The following IGSF5 variants were observed in gnomAD, a reference collection of about 807,000 sequenced individuals.
IGSF5 encodes immunoglobulin superfamily member 5, also known as immunoglobulin superfamily 5 like.
A neutral mutation model predicts 39.4 loss-of-function variants in IGSF5; 41 were observed. The ratio of observed to expected loss-of-function variants is 1.04; its 90% CI spans 0.81 to 1.35. IGSF5 has a LOEUF of 1.35. Ranked by LOEUF, IGSF5 falls within the 40% of genes most tolerant of loss-of-function variation. The pLI is 0.00. For missense variants in IGSF5, 487 were observed against 494.6 expected (o/e 0.98, Z 0.15); for synonymous variants, 183 against 175.3 (o/e 1.04, Z -0.34).
chr21:39,789,445 T>G (rs2086947629), intron 6 of IGSF5, among the ~76,000 whole-genome samples: 1 of 152,190 alleles, frequency 6.6e-6, no homozygotes. Context: ...TTTGTCTCCG[T>G]GCAGCCCTTG....
rs1180036881 is a variant in IGSF5, at chr21:39,790,003, C to T, written c.956+1815C>T. On this transcript the variant is annotated intron_variant, in intron 6 of 8. Coordinates refer to ENST00000380588, the MANE Select transcript of IGSF5 (RefSeq NM_001080444.2). Reference sequence around the variant, plus strand: ...AGGTGTGTAGCTTGATCAGGTTTCACAAAAAGCACAAATGCCTGGGCTTGA... The same window carrying T: ...AGGTGTGTAGCTTGATCAGGTTTCATAAAAAGCACAAATGCCTGGGCTTGA... Among the ~76,000 whole-genome samples, 3 of 152,282 alleles carry T rather than the reference C, an allele frequency of 2.0e-5. No homozygotes were observed. The East Asian group carries it at 5.8e-4, about 29-fold the overall frequency.
chr21:39,747,125 G>C (rs777407314), intron 2 of IGSF5, among the ~76,000 whole-genome samples: 1 of 152,306 alleles, frequency 6.6e-6, no homozygotes, highest in South Asian at 2.1e-4. Context: ...ACCCGAGACC[G>C]GGAAGAAAGA....
chr21:39,756,765 C>T (rs1265655882), intron 2 of IGSF5, among the ~76,000 whole-genome samples: 1 of 151,930 alleles, frequency 6.6e-6, no homozygotes, highest in Non-Finnish European at 1.5e-5. Context: ...TACATCAGTA[C>T]TGGGGAGTGT....
intron 6 of IGSF5, among the ~76,000 whole-genome samples, chr21:39,790,557 C>T (rs1006809306): frequency 6.6e-6 from 1 of 152,112 alleles, no homozygotes; most frequent in Non-Finnish European, 1.5e-5. Flanking sequence ...ACTCAGGAGG[C>T]TGACTTGGGA....
chr21:39,746,775 G>A (rs1356389418), intron 2 of IGSF5, among the ~76,000 whole-genome samples: 1 of 152,154 alleles, frequency 6.6e-6, no homozygotes, highest in Non-Finnish European at 1.5e-5. Flanking sequence ...GGCTCTCAGA[G>A]TTTGCCATTG....
At chr21:39,785,582 A>G (rs534516499) in intron 5 of IGSF5, among the ~76,000 whole-genome samples, 1 of 152,232 alleles carries the variant, frequency 6.6e-6, no homozygotes, top group Admixed American at 6.5e-5. Flanking sequence ...AGTTTTTTCC[A>G]ATTCAGTGAA....
At chr21:39,748,820 A>AGAAGTAAG (rs5843976) in intron 2 of IGSF5, among the ~76,000 whole-genome samples, 123,909 of 151,778 alleles carry the variant, frequency 0.82, 50,757 homozygotes, top group Admixed American at 0.86. Flanking sequence ...AAGTTCCACC[A>AGAAGTAAG]GAAAACAGCC....
chr21:39,793,903 A>C (rs1014144024), intron 8 of IGSF5, among the ~76,000 whole-genome samples: 1 of 152,174 alleles, frequency 6.6e-6, no homozygotes, highest in Non-Finnish European at 1.5e-5. Context: ...CTGAGTTGGC[A>C]TAAGAGTGAG....
upstream of IGSF5, among the ~76,000 whole-genome samples, chr21:39,743,879 T>C (rs936547961): frequency 2.6e-5 from 4 of 152,172 alleles, no homozygotes; most frequent in African/African-American, 9.7e-5. Flanking sequence ...TGCAGAAGAA[T>C]ATAAGTCATT....
the IGSF5 span, among the ~76,000 whole-genome samples, chr21:39,716,660 C>T: frequency 3.3e-5 from 5 of 152,182 alleles, no homozygotes; most frequent in Non-Finnish European, 7.3e-5. Context: ...CATCTGTGTT[C>T]CAGCGAAACA....
chr21:39,769,709 C>T lies in IGSF5; in HGVS notation c.419-1207C>T, dbSNP rs1004046951. Among the ~76,000 whole-genome samples the T allele has an allele frequency of 4.6e-5, 7 of 152,066 alleles. No individual in the cohort carries two copies. The East Asian group carries it at 1.3e-3, about 29-fold the overall frequency. ...TTTATATAAGTATAAAACAATGTCA[C>T]TCATCTTATTAATTTTTTTAGTTTA... On this transcript the variant is annotated intron_variant, in intron 3 of 8. Transcript: ENST00000380588.
chr21:39,776,030 A>G (rs2146285425), intron 4 of IGSF5, among the ~76,000 whole-genome samples: 1 of 152,202 alleles, frequency 6.6e-6, no homozygotes, highest in South Asian at 2.1e-4. Context: ...AAAAGATTGG[A>G]TTATGGATGA....
At chr21:39,714,529 A>G in the IGSF5 span, among the ~76,000 whole-genome samples, 9 of 152,072 alleles carry the variant, frequency 5.9e-5, no homozygotes, top group African/African-American at 2.2e-4. Flanking sequence ...TAAGAAATGT[A>G]TTGTCTCAGT....
intron 5 of IGSF5, among the ~76,000 whole-genome samples, chr21:39,782,342 TA>T (rs764808844): frequency 6.6e-6 from 1 of 152,350 alleles, no homozygotes; most frequent in East Asian, 1.9e-4. Context: ...TTGTTTATTT[TA>T]AAAAATTGTG....
chr21:39,801,281 C>T lies in IGSF5; in HGVS notation c.1148C>T (p.Pro383Leu), dbSNP rs201073811. 6.4e-5 allele frequency: 104 copies of T among 1,613,932 alleles called. No individual in the cohort carries two copies. Among genetic ancestry groups the T allele is most frequent in the Non-Finnish European group, 8.6e-5 (101 of 1,179,970 alleles). ...PPHQRADQRP[P>L]RPASHPQASF... ...TGCCAGCGGGCTGATCAACGTCCAC[C>T]CAGGCCAGCAAGTCATCCACAGGCT... is the stretch of plus-strand genomic sequence containing the variant. The change falls in exon 9 of 9, where the codon CCC (proline) becomes CTC (leucine). Residue 383 changes from proline (P) to leucine (L), a missense_variant. Coordinates refer to ENST00000380588, the MANE Select transcript of IGSF5 (RefSeq NM_001080444.2).
At chr21:39,748,423 G>C (rs2079987037) in intron 2 of IGSF5, among the ~76,000 whole-genome samples, 1 of 137,410 alleles carries the variant, frequency 7.3e-6, no homozygotes, top group East Asian at 2.4e-4. Context: ...CAATTCTCCT[G>C]CCTCAGCCAC....
intron 4 of IGSF5, among the ~76,000 whole-genome samples, chr21:39,776,393 T>C (rs1601134150): frequency 6.6e-6 from 1 of 152,128 alleles, no homozygotes; most frequent in African/African-American, 2.4e-5. Flanking sequence ...ACATTTGCCT[T>C]CCAATGGAGC....
At chr21:39,775,863 T>G (rs1333688910) in intron 4 of IGSF5, among the ~76,000 whole-genome samples, 1 of 152,182 alleles carries the variant, frequency 6.6e-6, no homozygotes, top group Non-Finnish European at 1.5e-5. Context: ...ATTTATGTCA[T>G]ACCTGGGCCA....
chr21:39,757,313 G>T (rs80091088), intron 2 of IGSF5, among the ~76,000 whole-genome samples: 1 of 18,796 alleles, frequency 5.3e-5, no homozygotes, highest in Non-Finnish European at 5.3e-4. Context: ...GAGGGCAGGA[G>T]TTTTTTCTCA....
Sources: allele counts gnomAD v4.1 joint callset (sites outside exome capture counted in the v4.1 genomes callset), GRCh38; gene constraint gnomAD v4.1.1; transcripts MANE v1.5; gene names NCBI Gene and HGNC (gene_info 2026-07-23, HGNC 2026-07-21).